Variants in DAB1 observed in about 807,000 individuals in gnomAD.
The protein encoded by DAB1 is disabled homolog 1.
A neutral mutation model predicts 64.6 loss-of-function variants in DAB1; 15 were observed. That is an observed-to-expected ratio of 0.23 (90% CI 0.16 to 0.36). The LOEUF is 0.36. Among genes scored for constraint, DAB1 ranks in the 10% least tolerant of loss-of-function variants. The pLI is 1.00. For missense variants in DAB1, 596 were observed against 706.7 expected (o/e 0.84, Z 1.78); for synonymous variants, 235 against 251.9 (o/e 0.93, Z 0.64).
chr1:57,171,166 G>T (rs1268720462), intron 2 of DAB1, among the ~76,000 whole-genome samples: 1 of 152,156 alleles, frequency 6.6e-6, no homozygotes, highest in Non-Finnish European at 1.5e-5. Context: ...GTCTAGCCAG[G>T]TGGAGGTTTT....
At chr1:57,000,056 T>C (rs934096417) in intron 14 of DAB1, among the ~76,000 whole-genome samples, 3 of 148,664 alleles carry the variant, frequency 2.0e-5, no homozygotes, top group Admixed American at 6.7e-5. Context: ...TTTTTTTTTT[T>C]TTTTTGAGAT....
chr1:57,274,903 A>G (rs1446334740), intron 2 of DAB1, among the ~76,000 whole-genome samples: 2 of 139,190 alleles, frequency 1.4e-5, no homozygotes, highest in South Asian at 4.6e-4. Flanking sequence ...TTTTTTTTTA[A>G]TCTAAGCCAT....
At chr1:58,301,662 A>G (rs1277451733) in intron 4 of DAB1, among the ~76,000 whole-genome samples, 1 of 152,124 alleles carries the variant, frequency 6.6e-6, no homozygotes, top group African/African-American at 2.4e-5. Flanking sequence ...GTCTGTTGAT[A>G]CAAAAGTTTA....
chr1:58,178,630 T>C (rs1030297143), intron 4 of DAB1, among the ~76,000 whole-genome samples: 1 of 152,212 alleles, frequency 6.6e-6, no homozygotes, highest in African/African-American at 2.4e-5. Flanking sequence ...TGATGTTTTA[T>C]AGTCAGAGAT....
chr1:57,642,798 T>C (rs1646146004), intron 7 of DAB1, among the ~76,000 whole-genome samples: 1 of 152,168 alleles, frequency 6.6e-6, no homozygotes, highest in Non-Finnish European at 1.5e-5. Context: ...AGAATAACTC[T>C]CCGGGGCATT....
intron 6 of DAB1, among the ~76,000 whole-genome samples, chr1:57,732,243 A>C (rs1201929019): frequency 6.6e-6 from 1 of 152,216 alleles, no homozygotes; most frequent in Non-Finnish European, 1.5e-5. Flanking sequence ...GATGCAGATG[A>C]AAACCTCTGC....
intron 6 of DAB1, among the ~76,000 whole-genome samples, chr1:57,684,396 A>T (rs1024888020): frequency 6.6e-6 from 1 of 152,182 alleles, no homozygotes; most frequent in African/African-American, 2.4e-5. Context: ...GGTCATATAC[A>T]AAGGGAACTC....
chr1:58,502,293 G>A (rs192606111), intron 3 of DAB1, among the ~76,000 whole-genome samples: 1 of 152,302 alleles, frequency 6.6e-6, no homozygotes, highest in East Asian at 1.9e-4. Context: ...GATTTCCTAT[G>A]AATCTGATCC....
chr1:58,166,785 C>T (rs559259582), intron 4 of DAB1, among the ~76,000 whole-genome samples: 1 of 147,428 alleles, frequency 6.8e-6, no homozygotes, highest in Non-Finnish European at 1.5e-5. Flanking sequence ...CAGGGTCTTG[C>T]TCTGTCACCC....
intron 3 of DAB1, among the ~76,000 whole-genome samples, chr1:58,452,625 C>T (rs923768396): frequency 5.6e-5 from 8 of 142,972 alleles, no homozygotes; most frequent in Admixed American, 4.3e-4. Flanking sequence ...GCCTGGCCAA[C>T]GTGGTGAAAC....
chr1:57,099,065 T>C (rs926344457), intron 4 of DAB1, among the ~76,000 whole-genome samples: 1 of 152,156 alleles, frequency 6.6e-6, no homozygotes, highest in African/African-American at 2.4e-5. Context: ...ATGGGTAGCA[T>C]TGGAGGCTCT....
At chr1:57,174,536 G>T (rs997132368) in intron 2 of DAB1, among the ~76,000 whole-genome samples, 4 of 152,240 alleles carry the variant, frequency 2.6e-5, no homozygotes, top group Middle Eastern at 3.4e-3. Flanking sequence ...AAGAAGAACA[G>T]ATTAAGTTAT....
chr1:58,539,273 G>A, intron 1 of DAB1: 2 of 854,172 alleles, frequency 2.3e-6, no homozygotes, highest in South Asian at 1.4e-5. Flanking sequence ...GCAGCAGACT[G>A]CAATCCACAG....
At chr1:57,451,803 TA>T (rs1432809648) in intron 7 of DAB1, among the ~76,000 whole-genome samples, 1 of 152,128 alleles carries the variant, frequency 6.6e-6, no homozygotes, top group Non-Finnish European at 1.5e-5. Flanking sequence ...AAAATCCTTG[TA>T]GGGGGAGTGG....
intron 7 of DAB1, among the ~76,000 whole-genome samples, chr1:57,500,651 C>G (rs1263592160): frequency 6.6e-6 from 1 of 152,178 alleles, no homozygotes; most frequent in Non-Finnish European, 1.5e-5. Context: ...CAGCTCCTCA[C>G]TCAAGATTTC....
At chr1:57,136,361 C>T (rs1173542660) in intron 4 of DAB1, among the ~76,000 whole-genome samples, 182 bp downstream of exon 4, 1 of 152,158 alleles carries the variant, frequency 6.6e-6, no homozygotes, top group Non-Finnish European at 1.5e-5. Flanking sequence ...CACAGTGCAG[C>T]CATACTGTGG....
Position 57,229,594 on chromosome 1 carries a change from G to A in DAB1, c.67+61370C>T, listed in dbSNP as rs915702969. Among the ~76,000 whole-genome samples, 8 of 151,978 alleles carry A rather than the reference G, an allele frequency of 5.3e-5. 1 individual carries two copies. In the South Asian group the frequency reaches 6.2e-4, roughly 12 times the overall value. ...GATAGTGACTGTACTGATGTTTATC[G>A]TATTATTCTCTATAATCATCTGTAT... On this transcript the variant is annotated intron_variant, in intron 2 of 14. Transcript: ENST00000371236.
intron 5 of DAB1, among the ~76,000 whole-genome samples, chr1:58,100,528 G>T (rs1216970667): frequency 6.6e-6 from 1 of 152,168 alleles, no homozygotes; most frequent in Non-Finnish European, 1.5e-5. Flanking sequence ...GTGAACATGT[G>T]TGTACGCATA....
chr1:57,090,894 G>A (rs1653599272), intron 4 of DAB1, among the ~76,000 whole-genome samples: 2 of 152,176 alleles, frequency 1.3e-5, no homozygotes, highest in African/African-American at 2.4e-5. Context: ...CAGCATTAGA[G>A]TCTCATAGGA....
Sources: allele counts gnomAD v4.1 joint callset (sites outside exome capture counted in the v4.1 genomes callset), GRCh38; gene constraint gnomAD v4.1.1; transcripts MANE v1.5; gene names NCBI Gene and HGNC (gene_info 2026-07-23, HGNC 2026-07-21).